Variants in DAB1 observed in about 807,000 individuals in gnomAD.
DAB1 encodes DAB adaptor protein 1.
A neutral mutation model predicts 64.6 loss-of-function variants in DAB1; 15 were observed. The ratio of observed to expected loss-of-function variants is 0.23; its 90% CI spans 0.16 to 0.36. The LOEUF (loss-of-function observed/expected upper bound fraction) is 0.36. DAB1 is among the 10% of genes least tolerant of loss of function. DAB1 has a pLI of 1.00. For synonymous variants in DAB1, 235 were observed against 251.9 expected, an observed-to-expected ratio of 0.93 and a Z score of 0.64; for missense variants, 596 against 706.7, an observed-to-expected ratio of 0.84 and a Z score of 1.78.
chr1:57,966,769 C>T (rs1324520257), intron 5 of DAB1, among the ~76,000 whole-genome samples: 1 of 152,152 alleles, frequency 6.6e-6, no homozygotes, highest in Non-Finnish European at 1.5e-5. Context: ...CTGTGTTTCA[C>T]TTTCATTCAC....
chr1:57,140,684 C>T (rs1431542248), intron 3 of DAB1, among the ~76,000 whole-genome samples: 2 of 152,172 alleles, frequency 1.3e-5, no homozygotes, highest in Admixed American at 6.5e-5. Flanking sequence ...GCATCTACTG[C>T]ACTTCGCACA....
At chr1:58,074,529 T>C (rs1454132482) in intron 5 of DAB1, 1 of 109,094 alleles carries the variant, frequency 9.2e-6, no homozygotes, top group African/African-American at 3.8e-5. Flanking sequence ...TATACATATA[T>C]ATATATATAT....
chr1:58,543,459 T>C (rs761413441), intron 1 of DAB1, among the ~76,000 whole-genome samples: 3 of 152,148 alleles, frequency 2.0e-5, no homozygotes, highest in Admixed American at 6.5e-5. Flanking sequence ...ACCTCCTTCT[T>C]ATCTCATTCT....
chr1:58,268,085 CTTATGAGCTATATGAT>C (rs2100424079), intron 4 of DAB1, among the ~76,000 whole-genome samples: 2 of 81,430 alleles, frequency 2.5e-5, no homozygotes, highest in African/African-American at 6.6e-5. Flanking sequence ...AATTCTGCCA[CTTATGAGCTATATGAT>C]TTACTAAAGT....
intron 5 of DAB1, among the ~76,000 whole-genome samples, chr1:57,930,564 A>G (rs1486474865): frequency 6.6e-6 from 1 of 152,146 alleles, no homozygotes; most frequent in African/African-American, 2.4e-5. Context: ...TCAGAGTTTT[A>G]TAGTTTTTCT....
intron 5 of DAB1, among the ~76,000 whole-genome samples, chr1:57,995,123 A>G (rs991750871): frequency 6.6e-6 from 1 of 152,314 alleles, no homozygotes. Flanking sequence ...ATGAAAGGCA[A>G]AGACAGTAGT....
At chr1:57,176,425 A>C (rs1335818945) in intron 2 of DAB1, among the ~76,000 whole-genome samples, 2 of 152,038 alleles carry the variant, frequency 1.3e-5, no homozygotes, top group African/African-American at 4.8e-5. Context: ...ATTCACTATC[A>C]AGAGAACAGC....
At chr1:57,530,934 G>A (rs1177314337) in intron 7 of DAB1, among the ~76,000 whole-genome samples, 1 of 152,192 alleles carries the variant, frequency 6.6e-6, no homozygotes, top group Non-Finnish European at 1.5e-5. Context: ...CTCTCTTGCT[G>A]AGCAGAGAAT....
chr1:57,652,486 T>A (rs988560137), intron 6 of DAB1, among the ~76,000 whole-genome samples: 2 of 152,084 alleles, frequency 1.3e-5, no homozygotes, highest in African/African-American at 4.8e-5. Flanking sequence ...CGTGTAAAAA[T>A]CTCTCTATTG....
At chr1:57,600,865 C>A (rs7556036) in intron 7 of DAB1, among the ~76,000 whole-genome samples, 132,794 of 152,192 alleles carry the variant, frequency 0.87, 59,912 homozygotes, top group East Asian at 1. Flanking sequence ...ACCTTCAGAG[C>A]GCCAAGGTGA....
chr1:58,510,736 A>AC (rs1443061016), intron 2 of DAB1, among the ~76,000 whole-genome samples: 3 of 151,266 alleles, frequency 2.0e-5, no homozygotes, highest in Non-Finnish European at 2.9e-5. Flanking sequence ...CCACACACAC[A>AC]AAAAAAAACC....
At chr1:57,955,847 C>T (rs1645379243) in intron 5 of DAB1, among the ~76,000 whole-genome samples, 1 of 152,056 alleles carries the variant, frequency 6.6e-6, no homozygotes, top group Non-Finnish European at 1.5e-5. Flanking sequence ...AGGAAAAACA[C>T]AAATTAATAT....
At chr1:57,329,983 G>A (rs1231329686) in intron 1 of DAB1, among the ~76,000 whole-genome samples, 2 of 152,110 alleles carry the variant, frequency 1.3e-5, no homozygotes, top group Admixed American at 6.5e-5. Flanking sequence ...TAATTCAAAA[G>A]GCAATAGCAG....
At chr1:58,149,462 T>C (rs1014503329) in intron 5 of DAB1, among the ~76,000 whole-genome samples, 1 of 152,184 alleles carries the variant, frequency 6.6e-6, no homozygotes, top group African/African-American at 2.4e-5. Flanking sequence ...CCATCAACTG[T>C]CTGCCCTTAG....
chr1:57,714,568 A>G (rs1463682094), intron 6 of DAB1, among the ~76,000 whole-genome samples: 1 of 152,192 alleles, frequency 6.6e-6, no homozygotes, highest in Non-Finnish European at 1.5e-5. Flanking sequence ...AAGCATGAAC[A>G]AAGTTATTGG....
At chr1:57,064,321 A>G (rs1166560963) in intron 8 of DAB1, among the ~76,000 whole-genome samples, 1 of 152,218 alleles carries the variant, frequency 6.6e-6, no homozygotes, top group Non-Finnish European at 1.5e-5. Flanking sequence ...AAAGCTGGTA[A>G]GTGACCAGGT....
At chr1:58,526,954 T>C (rs9660054) in intron 2 of DAB1, among the ~76,000 whole-genome samples, 45,732 of 152,026 alleles carry the variant, frequency 0.3, 7,837 homozygotes, top group Non-Finnish European at 0.37. Flanking sequence ...AAAAAATTTA[T>C]ACACGCAAAA....
chr1:58,058,226 ATAT>A (rs1267816834), intron 5 of DAB1, among the ~76,000 whole-genome samples: 2 of 152,102 alleles, frequency 1.3e-5, no homozygotes, highest in African/African-American at 4.8e-5. Flanking sequence ...TAAGTTATTT[ATAT>A]TAACTCATGT....
intron 2 of DAB1, among the ~76,000 whole-genome samples, chr1:57,150,890 G>A (rs1009575611): frequency 6.6e-6 from 1 of 152,142 alleles, no homozygotes; most frequent in Non-Finnish European, 1.5e-5. Context: ...TACTGGTGGA[G>A]TGCACCTGCA....
Sources: allele counts gnomAD v4.1 joint callset (sites outside exome capture counted in the v4.1 genomes callset), GRCh38; gene constraint gnomAD v4.1.1; transcripts MANE v1.5; gene names NCBI Gene and HGNC (gene_info 2026-07-23, HGNC 2026-07-21).